The following STK33 variants were observed in gnomAD, a reference collection of about 807,000 sequenced individuals.
STK33 encodes the protein serine/threonine kinase 33, also known as serine/threonine-protein kinase 33.
Under a neutral mutation model 58.0 loss-of-function variants are expected in STK33, and 52 were observed. The ratio of observed to expected loss-of-function variants is 0.90; its 90% CI spans 0.72 to 1.13. The LOEUF (loss-of-function observed/expected upper bound fraction) is 1.13. Ranked by LOEUF, STK33 falls within the 50% of genes most tolerant of loss-of-function variation. The pLI is 0.00. For synonymous variants in STK33, 215 were observed against 200.1 expected (o/e 1.07, Z -0.63); for missense variants, 630 against 604.2 (o/e 1.04, Z -0.45).
At chr11:8,530,831 C>G (rs1954477645) in intron 1 of STK33, among the ~76,000 whole-genome samples, 1 of 152,182 alleles carries the variant, frequency 6.6e-6, no homozygotes, top group Admixed American at 6.5e-5. Context: ...GCTGGGACCA[C>G]AGGCGCCTGC....
intron 14 of STK33, among the ~76,000 whole-genome samples, chr11:8,415,570 T>A (rs1210139044): frequency 6.6e-6 from 1 of 152,068 alleles, no homozygotes; most frequent in Admixed American, 6.6e-5. Context: ...AACCTCCTCC[T>A]CTCCTCCCAG....
chr11:8,535,562 C>T (rs540119883), intron 1 of STK33, among the ~76,000 whole-genome samples: 7 of 152,008 alleles, frequency 4.6e-5, no homozygotes, highest in African/African-American at 1.7e-4. Context: ...ATCAGAATGG[C>T]TATTATTAAA....
In STK33 at chr11:8,402,850, G is replaced by C. The variant is rs1469311536; in HGVS notation, c.1345-10140C>G. Among the ~76,000 whole-genome samples the C allele has an allele frequency of 5.3e-5, 8 of 152,274 alleles. No homozygotes were observed. In the East Asian group the frequency reaches 5.8e-4, roughly 11 times the overall value. On this transcript the variant is annotated intron_variant, in intron 15 of 15. Transcript: ENST00000687296. ...AATTTTTCAGGGCTTTATTTTGTTAGGTTATAGATTATCTAAGTTTTGCGT... is the reference window on the plus strand; with the variant it reads ...AATTTTTCAGGGCTTTATTTTGTTACGTTATAGATTATCTAAGTTTTGCGT...
At chr11:8,404,001 G>C (rs1278885235) in intron 15 of STK33, among the ~76,000 whole-genome samples, 1 of 152,206 alleles carries the variant, frequency 6.6e-6, no homozygotes, top group Non-Finnish European at 1.5e-5. Flanking sequence ...AATTTCTAGA[G>C]TCACACATTC....
intron 12 of STK33, 27 bp from the exon 13 acceptor site, chr11:8,436,166 A>C: frequency 7.6e-7 from 1 of 1,307,756 alleles, no homozygotes; most frequent in Non-Finnish European, 1.0e-6. Flanking sequence ...CACTTTGTTT[A>C]AATTTTTTAA....
intron 1 of STK33, among the ~76,000 whole-genome samples, chr11:8,523,045 C>T (rs1000960085): frequency 9.2e-5 from 14 of 152,230 alleles, no homozygotes; most frequent in Non-Finnish European, 1.2e-4. Context: ...CTGCCAGCCT[C>T]GGCCTCCTGA....
chr11:8,351,709 G>A, the STK33 span, among the ~76,000 whole-genome samples: 1 of 152,208 alleles, frequency 6.6e-6, no homozygotes. Context: ...AGGTGGACAG[G>A]TGCACGCTTC....
At chr11:8,383,224 G>C in the STK33 span, among the ~76,000 whole-genome samples, 3 of 152,182 alleles carry the variant, frequency 2.0e-5, no homozygotes, top group Non-Finnish European at 4.4e-5. Flanking sequence ...GAGACATGGG[G>C]ATGTTTAGCC....
intron 1 of STK33, among the ~76,000 whole-genome samples, chr11:8,564,223 G>A (rs1431950194): frequency 1.3e-5 from 2 of 152,180 alleles, no homozygotes; most frequent in African/African-American, 4.8e-5. Flanking sequence ...AGATTTGGTT[G>A]TAGGGAATTT....
At chr11:8,564,743 A>T (rs1282480400) in intron 1 of STK33, among the ~76,000 whole-genome samples, 1 of 152,206 alleles carries the variant, frequency 6.6e-6, no homozygotes, top group Admixed American at 6.5e-5. Flanking sequence ...AAAAAACAAA[A>T]GATAAATGCT....
intron 1 of STK33, among the ~76,000 whole-genome samples, chr11:8,568,875 C>T (rs113724642): frequency 3.1e-4 from 47 of 152,218 alleles, no homozygotes; most frequent in African/African-American, 9.4e-4. Flanking sequence ...AAGATTGGAA[C>T]AGTAACAATT....
At chr11:8,413,409 C>A in intron 15 of STK33, 86 bp downstream of exon 15, 1 of 1,446,708 alleles carries the variant, frequency 6.9e-7, no homozygotes, top group Non-Finnish European at 9.5e-7. Context: ...AAACTAACAA[C>A]AAAAAGACAG....
intron 1 of STK33, among the ~76,000 whole-genome samples, chr11:8,503,069 G>A (rs1325026255): frequency 6.6e-6 from 1 of 151,878 alleles, no homozygotes; most frequent in African/African-American, 2.4e-5. Context: ...GCAGTTTGAC[G>A]ACTTCTCAAA....
intron 1 of STK33, among the ~76,000 whole-genome samples, chr11:8,538,513 T>C (rs1955237435): frequency 6.6e-6 from 1 of 152,248 alleles, no homozygotes; most frequent in Non-Finnish European, 1.5e-5. Context: ...TGTTTTCCTA[T>C]ACAGGGAAAT....
At chr11:8,586,524 T>A (rs969170852) in intron 1 of STK33, among the ~76,000 whole-genome samples, 1 of 151,920 alleles carries the variant, frequency 6.6e-6, no homozygotes, top group African/African-American at 2.4e-5. Flanking sequence ...CCTCAGGGGA[T>A]TATAATTTAT....
At chr11:8,513,475 A>C (rs1231715897) in intron 1 of STK33, among the ~76,000 whole-genome samples, 1 of 152,188 alleles carries the variant, frequency 6.6e-6, no homozygotes, top group Non-Finnish European at 1.5e-5. Flanking sequence ...TTACTGTATC[A>C]ACCAAAAACA....
chr11:8,452,784 T>C (rs766576872), intron 11 of STK33, 38 bp downstream of exon 11: 3 of 1,578,100 alleles, frequency 1.9e-6, no homozygotes, highest in East Asian at 2.2e-5. Context: ...GATGATCCTG[T>C]CTCAAAACAA....
chr11:8,340,642 G>A, the STK33 span, among the ~76,000 whole-genome samples: 2 of 152,262 alleles, frequency 1.3e-5, no homozygotes, highest in African/African-American at 4.8e-5. Flanking sequence ...CCAGCTTCCA[G>A]GGCTCCAATG....
At chr11:8,415,219 A>T (rs976337191) in intron 14 of STK33, among the ~76,000 whole-genome samples, 1 of 152,108 alleles carries the variant, frequency 6.6e-6, no homozygotes, top group African/African-American at 2.4e-5. Context: ...AATCTGACAC[A>T]TCTAAGTCTG....
Sources: gnomAD v4.1 joint callset for allele counts (sites outside exome capture counted in the v4.1 genomes callset) on GRCh38, gnomAD v4.1.1 for gene constraint, MANE v1.5 for transcripts, NCBI Gene and HGNC (gene_info 2026-07-23, HGNC 2026-07-21) for gene names.